The following ST6GAL2 variants were observed in gnomAD, a reference collection of about 807,000 sequenced individuals.
The protein encoded by ST6GAL2 is beta-galactoside alpha-2,6-sialyltransferase 2.
A neutral mutation model predicts 37.5 loss-of-function variants in ST6GAL2; 24 were observed. The observed-to-expected ratio is 0.64, with a 90% CI of 0.46 to 0.90. The LOEUF is 0.90. Ranked by LOEUF, ST6GAL2 falls within the 40% of genes least tolerant of loss-of-function variation. The pLI is 0.00. For synonymous variants in ST6GAL2, 306 were observed against 295.1 expected (o/e 1.04, Z -0.38); for missense variants, 715 against 712.7 (o/e 1.00, Z -0.04).
intron 5 of ST6GAL2, among the ~76,000 whole-genome samples, chr2:106,808,787 G>A (rs985055348): frequency 6.6e-6 from 1 of 152,144 alleles, no homozygotes; most frequent in African/African-American, 2.4e-5. Context: ...TGCCCATGGA[G>A]AATTAAATTC....
chr2:106,819,664 G>A (rs1163385644), intron 5 of ST6GAL2, among the ~76,000 whole-genome samples: 2 of 152,002 alleles, frequency 1.3e-5, no homozygotes, highest in African/African-American at 2.4e-5. Context: ...TAAGAAATCT[G>A]AAGGTACAAA....
intron 5 of ST6GAL2, among the ~76,000 whole-genome samples, chr2:106,822,199 G>A (rs186513017): frequency 6.6e-6 from 1 of 152,196 alleles, no homozygotes; most frequent in East Asian, 1.9e-4. Context: ...ATCTAAATTC[G>A]AATGGAAGCA....
chr2:106,819,024 C>T (rs1675904738), intron 5 of ST6GAL2, among the ~76,000 whole-genome samples: 1 of 151,850 alleles, frequency 6.6e-6, no homozygotes, highest in Non-Finnish European at 1.5e-5. Flanking sequence ...TGAAGACAAG[C>T]TATTTGAAAA....
At chr2:106,814,894 A>C (rs1003098897) in intron 5 of ST6GAL2, among the ~76,000 whole-genome samples, 23 of 152,214 alleles carry the variant, frequency 1.5e-4, no homozygotes, top group African/African-American at 5.3e-4. Flanking sequence ...CTAGGGATGA[A>C]AGAGAGAAAT....
At chr2:106,815,923 T>C (rs1035521812) in intron 5 of ST6GAL2, among the ~76,000 whole-genome samples, 6 of 152,084 alleles carry the variant, frequency 3.9e-5, no homozygotes, top group African/African-American at 1.4e-4. Flanking sequence ...TCCCATTCAT[T>C]CATTTGTTTT....
intron 1 of ST6GAL2, among the ~76,000 whole-genome samples, chr2:106,848,606 G>GC (rs899493218): frequency 6.6e-6 from 1 of 152,162 alleles, no homozygotes; most frequent in South Asian, 2.1e-4. Context: ...GAGAGCCAGT[G>GC]CCCCCCCACA....
intron 2 of ST6GAL2, among the ~76,000 whole-genome samples, chr2:106,839,155 T>C (rs968209803): frequency 6.6e-6 from 1 of 152,196 alleles, no homozygotes; most frequent in African/African-American, 2.4e-5. Flanking sequence ...TAGAGTGGCT[T>C]GCAAGGGCAT....
chr2:106,840,858 A>C (rs2104507721), intron 2 of ST6GAL2, among the ~76,000 whole-genome samples: 1 of 152,348 alleles, frequency 6.6e-6, no homozygotes, highest in South Asian at 2.1e-4. Context: ...TGTTTAAAAC[A>C]AAACCAAACC....
At chr2:106,871,588 A>T (rs1267675687) in intron 1 of ST6GAL2, among the ~76,000 whole-genome samples, 7 of 152,070 alleles carry the variant, frequency 4.6e-5, no homozygotes, top group Admixed American at 3.9e-4. Flanking sequence ...TTCTATAAGC[A>T]TTTTTCTATG....
chr2:106,806,829 C>T lies in ST6GAL2; in HGVS notation c.1439G>A (p.Gly480Glu). The stretch of plus-strand genomic sequence containing the variant: ...CTCATAGAGTAGTGGGTGGTACGCC[C>T]CGAGGGTGCAGGCTGCGTCGTAGTA... Reference protein sequence around the residue: ...ELYYDAACTLGAYHPLLYEKL... With the variant: ...ELYYDAACTLEAYHPLLYEKL... Residue 480 changes from glycine (G) to glutamate (E), a missense_variant, in exon 6 of 6, where the codon GGG (glycine) becomes GAG (glutamate). Coordinates refer to ENST00000409382, the MANE Select transcript of ST6GAL2 (RefSeq NM_001142351.2). 4 of 1,614,158 alleles carry T rather than the reference C, an allele frequency of 2.5e-6. No homozygotes were observed. The highest frequency in any genetic ancestry group is 3.4e-6 in the Non-Finnish European group (4 of 1,180,042).
chr2:106,802,371 T>A lies in ST6GAL2; in HGVS notation c.*4307A>T, dbSNP rs1208892937. On this transcript the variant is annotated 3_prime_UTR_variant, in exon 6 of 6. Transcript: ENST00000409382. ...ACTATATCTACATGTACACTTTTCA[T>A]ACTAAGAACTAGATCAATGTCTTTA... 4 of 152,200 alleles carry A rather than the reference T, an allele frequency of 2.6e-5. No homozygotes were observed. The highest frequency in any genetic ancestry group is 6.5e-5 in the Admixed American group (1 of 15,280). The allele number at this position is 152,200 out of a possible 1,614,324, so 9.4% of individuals were successfully genotyped here.
chr2:106,824,504 C>T (rs891406669), intron 5 of ST6GAL2, among the ~76,000 whole-genome samples: 8 of 152,050 alleles, frequency 5.3e-5, no homozygotes, highest in Non-Finnish European at 8.8e-5. Flanking sequence ...CGGTGGCACG[C>T]GCCTGTAGTC....
intron 1 of ST6GAL2, among the ~76,000 whole-genome samples, chr2:106,857,372 G>A (rs1677617168): frequency 6.6e-6 from 1 of 152,168 alleles, no homozygotes; most frequent in African/African-American, 2.4e-5. Context: ...GGAGGCCAAG[G>A]TGGGAGGATC....
intron 1 of ST6GAL2, among the ~76,000 whole-genome samples, chr2:106,882,560 A>G (rs988028895): frequency 1.3e-5 from 2 of 152,230 alleles, no homozygotes; most frequent in Non-Finnish European, 2.9e-5. Flanking sequence ...TTAGCTTTTA[A>G]GTATGCCACA....
intron 5 of ST6GAL2, chr2:106,812,984 C>T: frequency 3.5e-6 from 4 of 1,155,566 alleles, no homozygotes; most frequent in Non-Finnish European, 4.3e-6. Flanking sequence ...CAACATGAGG[C>T]TGGACTTTTT....
intron 5 of ST6GAL2, among the ~76,000 whole-genome samples, chr2:106,820,745 T>C (rs1675973196): frequency 6.6e-6 from 1 of 152,038 alleles, no homozygotes; most frequent in South Asian, 2.1e-4. Flanking sequence ...AAACAAGTCT[T>C]AAAAAATTTG....
chr2:106,853,744 G>C (rs143528540), intron 1 of ST6GAL2, among the ~76,000 whole-genome samples: 3 of 152,272 alleles, frequency 2.0e-5, no homozygotes, highest in East Asian at 3.9e-4. Flanking sequence ...ATGGGAACTA[G>C]TTTAAAAGGC....
At position 106,843,245 on chromosome 2, in the gene ST6GAL2, C is replaced by T; in HGVS notation, c.733G>A (p.Gly245Arg). The change falls in exon 2 of 6, where the codon GGG becomes AGG. Residue 245 changes from glycine (G) to arginine (R), a missense_variant. Physicochemically the swap from Gly to Arg is moderately radical, Grantham distance 125 (BLOSUM62 -2). Transcript: ENST00000409382. ...CACAGCAGCTGTGCCCTGCTCAGCC[C>T]GGCCTCCCGCTTCCCGCGGAAGCGC... Reference protein sequence around the residue: ...GVRFRGKREAGLSRAQLLCQL... With the variant: ...GVRFRGKREARLSRAQLLCQL... The T allele has an allele frequency of 1.9e-6, 3 of 1,587,156 alleles. No homozygotes were observed. The highest frequency in any genetic ancestry group is 1.7e-6 in the Non-Finnish European group (2 of 1,166,422).
intron 5 of ST6GAL2, among the ~76,000 whole-genome samples, chr2:106,811,840 C>A (rs1675620782): frequency 1.3e-5 from 2 of 152,116 alleles, no homozygotes; most frequent in African/African-American, 4.8e-5. Flanking sequence ...TAGGGTTTTA[C>A]TCACGATGAT....
Sources: gnomAD v4.1 joint callset for allele counts (sites outside exome capture counted in the v4.1 genomes callset) on GRCh38, gnomAD v4.1.1 for gene constraint, MANE v1.5 for transcripts, NCBI Gene and HGNC (gene_info 2026-07-23, HGNC 2026-07-21) for gene names.